ODR4: variants seen among roughly 807,000 people sequenced by gnomAD.
ODR4 encodes the protein odr-4 GPCR localization factor homolog.
ODR4 carries 47 observed loss-of-function variants against 60.2 expected under a neutral mutation model. The ratio of observed to expected loss-of-function variants is 0.78; its 90% CI spans 0.62 to 1.00. ODR4 has a LOEUF of 1.00. Among genes scored for constraint, ODR4 ranks in the 50% least tolerant of loss-of-function variants. ODR4 has a pLI of 0.00. For missense variants in ODR4, 488 were observed against 530.8 expected, an observed-to-expected ratio of 0.92 and a Z score of 0.79; for synonymous variants, 178 against 175.5, an observed-to-expected ratio of 1.01 and a Z score of -0.11.
At chr1:186,393,897 A>T (rs1269586128) in intron 8 of ODR4, 50 bp from the exon 9 acceptor site, 1 of 968,044 alleles carries the variant, frequency 1.0e-6, no homozygotes, top group Non-Finnish European at 1.6e-6. Context: ...GTTGTCTTTT[A>T]TGTTTTACAG....
the ODR4 span, among the ~76,000 whole-genome samples, chr1:186,429,846 T>G: frequency 1.3e-5 from 2 of 152,162 alleles, no homozygotes; most frequent in Admixed American, 6.5e-5. Context: ...AATAATTATG[T>G]TGGAAATATC....
At chr1:186,390,683 G>A (rs533549512) in intron 6 of ODR4, 28 bp from the exon 7 acceptor site, 3 of 1,609,980 alleles carry the variant, frequency 1.9e-6, no homozygotes, top group East Asian at 2.2e-5. Flanking sequence ...CTACATCATA[G>A]TTATTTTTCT....
chr1:186,420,422 G>C lies in ODR4; in HGVS notation c.*1346G>C, dbSNP rs550549604. On this transcript the variant is annotated 3_prime_UTR_variant, in exon 14 of 14. Transcript: ENST00000287859. ...GATTCCTACAGATTATTATCAAGTA[G>C]TAGTATTTTATGACTAGAGATCACA... is the stretch of plus-strand genomic sequence containing the variant. The C allele has an allele frequency of 6.6e-6, 1 of 152,172 alleles. No homozygotes were observed. The highest frequency in any genetic ancestry group is 1.5e-5 in the Non-Finnish European group (1 of 68,034). 9.4% of individuals were successfully genotyped at this position (152,172 alleles called of 1,614,324 possible). A position where few individuals can be genotyped will look rare whatever the true frequency, so the allele number is the denominator to read the frequency against.
At chr1:186,389,668 T>G (rs1282601891) in intron 6 of ODR4, 44 bp downstream of exon 6, 2 of 1,333,848 alleles carry the variant, frequency 1.5e-6, no homozygotes, top group African/African-American at 1.5e-5. Flanking sequence ...TCACAAAGTA[T>G]TTTCAATCAA....
the ODR4 span, among the ~76,000 whole-genome samples, chr1:186,427,114 G>GT: frequency 6.6e-6 from 1 of 152,172 alleles, no homozygotes; most frequent in Admixed American, 6.5e-5. Context: ...ACTGATTAGG[G>GT]TGGTGGTTGC....
intron 11 of ODR4, chr1:186,400,726 G>A (rs1660910794): frequency 3.9e-6 from 1 of 258,736 alleles, no homozygotes; most frequent in Admixed American, 5.8e-5. Flanking sequence ...TTCCTAGTAT[G>A]CTGGATTCTA....
the ODR4 span, among the ~76,000 whole-genome samples, chr1:186,427,277 C>T: frequency 2.6e-4 from 40 of 152,274 alleles, no homozygotes; most frequent in Non-Finnish European, 4.4e-4. Flanking sequence ...GAGTCAGTCC[C>T]CTCAAACCCT....
chr1:186,399,319 C>G (rs992155509), intron 11 of ODR4: 1 of 415,446 alleles, frequency 2.4e-6, no homozygotes, highest in African/African-American at 2.1e-5. Context: ...AGTCCTCCTA[C>G]CTCAGCCTCC....
chr1:186,434,344 A>T, the ODR4 span, among the ~76,000 whole-genome samples: 2 of 152,188 alleles, frequency 1.3e-5, no homozygotes, highest in Admixed American at 1.3e-4. Context: ...TGGGTTTAAA[A>T]AATGTCTAAT....
downstream of ODR4, among the ~76,000 whole-genome samples, chr1:186,422,493 C>T (rs568283320): frequency 2.4e-4 from 37 of 152,200 alleles, no homozygotes; most frequent in African/African-American, 8.7e-4. Context: ...GAATATTTTT[C>T]TTAAGCATTG....
At chr1:186,376,187 C>T (rs150252262) in intron 1 of ODR4, among the ~76,000 whole-genome samples, 3 of 152,064 alleles carry the variant, frequency 2.0e-5, no homozygotes. Flanking sequence ...ATTTAAGGAC[C>T]CGGGTTAATT....
chr1:186,430,705 C>G, the ODR4 span, among the ~76,000 whole-genome samples: 2 of 151,876 alleles, frequency 1.3e-5, no homozygotes, highest in Non-Finnish European at 2.9e-5. Flanking sequence ...AGTTATATTC[C>G]TAGATCTGCC....
chr1:186,381,860 G>A (rs1660046203), intron 2 of ODR4, among the ~76,000 whole-genome samples: 1 of 152,028 alleles, frequency 6.6e-6, no homozygotes, highest in Non-Finnish European at 1.5e-5. Flanking sequence ...TTCTTTTCCT[G>A]TGTTTATTTG....
At chr1:186,377,748 A>G (rs1291873545) in intron 1 of ODR4, among the ~76,000 whole-genome samples, 1 of 152,162 alleles carries the variant, frequency 6.6e-6, no homozygotes, top group Non-Finnish European at 1.5e-5. Context: ...TATTGTTGTC[A>G]AAAAAGAGCT....
intron 11 of ODR4, among the ~76,000 whole-genome samples, chr1:186,403,317 G>C (rs551856936): frequency 1.4e-4 from 22 of 151,950 alleles, no homozygotes; most frequent in Admixed American, 1.4e-3. Flanking sequence ...GAGATGTTTT[G>C]TTACAATCAT....
At chr1:186,376,014 G>A in intron 1 of ODR4, 40 bp downstream of exon 1, 1 of 163,740 alleles carries the variant, frequency 6.1e-6, no homozygotes, top group Non-Finnish European at 1.4e-5. Context: ...GTGTGTGTGT[G>A]TGTGTGTGCT....
chr1:186,376,021 T>C (rs9660553), intron 1 of ODR4, 47 bp downstream of exon 1: 1 of 161,546 alleles, frequency 6.2e-6, no homozygotes, highest in Admixed American at 6.1e-5. Flanking sequence ...TGTGTGTGTG[T>C]GCTCTCTTTT....
At chr1:186,407,864 A>G (rs180997290) in intron 12 of ODR4, among the ~76,000 whole-genome samples, 1 of 152,244 alleles carries the variant, frequency 6.6e-6, no homozygotes, top group Non-Finnish European at 1.5e-5. Context: ...CTCTGGTGTC[A>G]GAGCTGAACT....
At chr1:186,389,722 T>TAGGAAGTGATGGCAA in intron 6 of ODR4, 98 bp downstream of exon 6, 1 of 758,092 alleles carries the variant, frequency 1.3e-6, no homozygotes, top group Non-Finnish European at 2.1e-6. Flanking sequence ...TTGCCATCAC[T>TAGGAAGTGATGGCAA]TCCTATTGAT....
Sources: gnomAD v4.1 joint callset for allele counts (sites outside exome capture counted in the v4.1 genomes callset) on GRCh38, gnomAD v4.1.1 for gene constraint, MANE v1.5 for transcripts, NCBI Gene and HGNC (gene_info 2026-07-23, HGNC 2026-07-21) for gene names.